Variants in RBM33 observed in about 807,000 individuals in gnomAD.
The protein encoded by RBM33 is RNA binding motif protein 33, also known as RNA-binding protein 33.
RBM33 carries 28 observed loss-of-function variants against 132.6 expected under a neutral mutation model. The ratio of observed to expected loss-of-function variants is 0.21; its 90% CI spans 0.16 to 0.29. The LOEUF is 0.29. Among genes scored for constraint, RBM33 ranks in the 10% least tolerant of loss-of-function variants. The pLI is 1.00. For missense variants in RBM33, 1,291 were observed against 1,518.5 expected (o/e 0.85, Z 2.49); for synonymous variants, 634 against 593.0 (o/e 1.07, Z -1.01).
chr7:155,702,703 ACAGCCAC>A (rs890229774), intron 6 of RBM33, among the ~76,000 whole-genome samples: 68 of 152,308 alleles, frequency 4.5e-4, no homozygotes, highest in African/African-American at 1.6e-3. Context: ...AGGGCAACCC[ACAGCCAC>A]CACCTGGAAG....
chr7:155,675,476 G>A (rs2116915072), intron 3 of RBM33, among the ~76,000 whole-genome samples: 1 of 152,132 alleles, frequency 6.6e-6, no homozygotes, highest in Admixed American at 6.5e-5. Context: ...TGTACATTGA[G>A]GTTGTTTCCA....
chr7:155,723,819 A>G (rs1260533558), intron 9 of RBM33, among the ~76,000 whole-genome samples: 1 of 152,224 alleles, frequency 6.6e-6, no homozygotes, highest in Non-Finnish European at 1.5e-5. Context: ...TTTATAAAGT[A>G]TGTGATAAAC....
rs754127345 is a variant in RBM33, at chr7:155,718,412, C to A, written c.1229C>A (p.Pro410Gln). 1 of 1,613,796 alleles carries A rather than the reference C, an allele frequency of 6.2e-7. No homozygotes were observed. Among genetic ancestry groups the A allele is most frequent in the East Asian group, 2.2e-5 (1 of 44,888 alleles). Reference protein sequence around the residue: ...QVPLLPVPSQPRPAVGPQRFP... With the variant: ...QVPLLPVPSQQRPAVGPQRFP... ...CCCTTGCTACCAGTTCCGAGCCAGC[C>A]GAGACCTGCCGTGGGACCCCAGAGA... The change falls in exon 9 of 18, where the codon CCG becomes CAG. Residue 410 changes from proline (P) to glutamine (Q), a missense_variant. Around this residue, in one of 7 missense-constraint regions of RBM33, gnomAD observed 841 missense variants for 912.0 expected, o/e 0.92. Coordinates refer to ENST00000401878, the MANE Select transcript of RBM33 (RefSeq NM_053043.3).
At chr7:155,725,964 A>T (rs912460824) in intron 9 of RBM33, among the ~76,000 whole-genome samples, 1 of 152,216 alleles carries the variant, frequency 6.6e-6, no homozygotes, top group African/African-American at 2.4e-5. Context: ...AAAGAAATCT[A>T]TGGAGAATAC....
chr7:155,763,676 C>T, intron 14 of RBM33, 136 bp from the exon 15 acceptor site: 1 of 772,660 alleles, frequency 1.3e-6, no homozygotes, highest in Middle Eastern at 3.0e-4. Context: ...AGTGAAATGA[C>T]AAGTTTCGAG....
rs1386879347 is a variant in RBM33, at chr7:155,774,259, C to T, written c.3376-300C>T. ...TGTCTCTATCCAAGGGTACCTGCTACCCGGTCTCCCAGAGCAGGTTGGGGC... is the reference window on the plus strand; with the variant it reads ...TGTCTCTATCCAAGGGTACCTGCTATCCGGTCTCCCAGAGCAGGTTGGGGC... On this transcript the variant is annotated intron_variant, in intron 16 of 17. Coordinates refer to ENST00000401878, the MANE Select transcript of RBM33 (RefSeq NM_053043.3). This position sits in a 1 kb window ranked among gnomAD's most constrained non-coding sequence, Gnocchi z 4.2. Among the ~76,000 whole-genome samples, 1 of 152,176 alleles carries T rather than the reference C, an allele frequency of 6.6e-6. No homozygotes were observed. The highest frequency in any genetic ancestry group is 1.5e-5 in the Non-Finnish European group (1 of 68,020).
intron 1 of RBM33, among the ~76,000 whole-genome samples, chr7:155,656,295 A>G (rs1206675284): frequency 2.0e-5 from 3 of 152,238 alleles, no homozygotes; most frequent in Non-Finnish European, 4.4e-5. Flanking sequence ...AATATTTTCA[A>G]AATGACCACT....
At chr7:155,737,927 G>A (rs1585509392) in intron 10 of RBM33, 133 bp from the exon 11 acceptor site, 4 of 886,982 alleles carry the variant, frequency 4.5e-6, no homozygotes, top group East Asian at 2.6e-5. Flanking sequence ...GCAAAATCTG[G>A]AATTGTTTCC....
intron 13 of RBM33, 123 bp from the exon 14 acceptor site, chr7:155,744,838 A>G: frequency 1.0e-6 from 1 of 975,694 alleles, no homozygotes; most frequent in Non-Finnish European, 1.5e-6. Flanking sequence ...ACAGATTTTG[A>G]GTGACTTCTT....
intron 9 of RBM33, among the ~76,000 whole-genome samples, chr7:155,720,262 C>G (rs10224079): frequency 0.18 from 26,797 of 152,172 alleles, 2,414 homozygotes; most frequent in East Asian, 0.28. Flanking sequence ...CGATTTAACA[C>G]GTATCTTCCT....
At chr7:155,655,512 TAA>T (rs1798467216) in intron 1 of RBM33, among the ~76,000 whole-genome samples, 1 of 144,512 alleles carries the variant, frequency 6.9e-6, no homozygotes, top group Middle Eastern at 3.7e-3. Context: ...ACTATTTTCA[TAA>T]CGGTATTAAG....
chr7:155,747,087 A>T (rs145188171), intron 14 of RBM33, among the ~76,000 whole-genome samples: 144 of 152,322 alleles, frequency 9.5e-4, no homozygotes, highest in African/African-American at 3.4e-3. Context: ...TCTTTATAAA[A>T]TACTGTGATT....
At chr7:155,699,697 C>T (rs915957466) in intron 5 of RBM33, among the ~76,000 whole-genome samples, 1 of 152,152 alleles carries the variant, frequency 6.6e-6, no homozygotes, top group Non-Finnish European at 1.5e-5. Context: ...TCTTTTTCCA[C>T]TGGGAGGATT....
chr7:155,697,830 T>G (rs1799839692), intron 5 of RBM33, among the ~76,000 whole-genome samples: 1 of 152,204 alleles, frequency 6.6e-6, no homozygotes. Flanking sequence ...TTGATGGTGA[T>G]TTTCATATGC....
At chr7:155,771,080 C>A (rs774814267) in intron 16 of RBM33, among the ~76,000 whole-genome samples, 1 of 152,104 alleles carries the variant, frequency 6.6e-6, no homozygotes, top group Non-Finnish European at 1.5e-5. Context: ...CCTGCCAGTA[C>A]GTTATGTGGG....
Position 155,737,573 on chromosome 7 carries a change from A to G in RBM33, c.1304A>G (p.Asn435Ser), listed in dbSNP as rs1801168901. The G allele has an allele frequency of 5.0e-6, 8 of 1,613,194 alleles. No individual in the cohort carries two copies. The highest frequency in any genetic ancestry group is 2.2e-5 in the East Asian group (1 of 44,846). ...CAGCATACACCTGGACCTGTTCCCA[A>G]CAGTTTCAGCCAGCCCCCACGACTC... is the stretch of plus-strand genomic sequence containing the variant. ...FPQHTPGPVP[N>S]SFSQPPRLPL... Residue 435 changes from asparagine (N) to serine (S), a missense_variant, in exon 10 of 18, where the codon AAC becomes AGC. This residue lies in a region of RBM33 where 841 missense variants were observed against 912.0 expected (regional missense o/e 0.92). Transcript: ENST00000401878.
chr7:155,722,076 A>G (rs965871461), intron 9 of RBM33, among the ~76,000 whole-genome samples: 1 of 152,150 alleles, frequency 6.6e-6, no homozygotes, highest in African/African-American at 2.4e-5. Flanking sequence ...AGATTTATGT[A>G]CTTAATTTTA....
In RBM33 at chr7:155,739,827, C is replaced by A. The variant is rs747860619; in HGVS notation, c.1850C>A (p.Pro617His). 1.1e-5 allele frequency: 15 copies of A among 1,310,268 alleles called. No individual in the cohort carries two copies. Among genetic ancestry groups the A allele is most frequent in the East Asian group, 2.5e-5 (1 of 39,390 alleles). 81.2% of individuals were successfully genotyped at this position (1,310,268 alleles called of 1,614,324 possible). The change falls in exon 12 of 18, where the codon CCC becomes CAC. Residue 617 changes from proline to histidine, a missense_variant. By Grantham distance (77) the Pro-to-His change is moderately conservative. Coordinates refer to ENST00000401878, the MANE Select transcript of RBM33 (RefSeq NM_053043.3). ...PPHQPPHQPP[P>H]QHQPPPQHPP... Reference sequence around the variant, plus strand: ...CACCAGCCCCCGCACCAGCCCCCGCCCCAGCACCAGCCCCCACCCCAGCAC... The same window carrying A: ...CACCAGCCCCCGCACCAGCCCCCGCACCAGCACCAGCCCCCACCCCAGCAC...
chr7:155,706,492 T>TC (rs929544366), intron 6 of RBM33, among the ~76,000 whole-genome samples: 3 of 152,002 alleles, frequency 2.0e-5, no homozygotes, highest in Non-Finnish European at 4.4e-5. Flanking sequence ...AGACTCTGTC[T>TC]CGGGGGGAAA....
Sources: gnomAD v4.1 joint callset for allele counts (sites outside exome capture counted in the v4.1 genomes callset) on GRCh38, gnomAD v4.1.1 for gene constraint, gnomAD v4.1.1 regional missense constraint, Gnocchi (gnomAD v3.1) non-coding constraint, MANE v1.5 for transcripts, NCBI Gene and HGNC (gene_info 2026-07-23, HGNC 2026-07-21) for gene names.